The following GCNT2 variants were observed in gnomAD, a reference collection of about 807,000 sequenced individuals.
GCNT2 encodes N-acetyllactosaminide beta-1,6-N-acetylglucosaminyl-transferase.
A neutral mutation model predicts 34.2 loss-of-function variants in GCNT2; 34 were observed. That is an observed-to-expected ratio of 1.00 (90% confidence interval 0.76 to 1.32). The LOEUF (loss-of-function observed/expected upper bound fraction) is 1.32, where lower values mean the gene tolerates loss of function less well. Ranked by LOEUF, GCNT2 falls within the 40% of genes most tolerant of loss-of-function variation. GCNT2 has a pLI of 0.00. For missense variants in GCNT2, 584 were observed against 489.4 expected, an observed-to-expected ratio of 1.19 and a Z score of -1.82; for synonymous variants, 212 against 188.0, an observed-to-expected ratio of 1.13 and a Z score of -1.04.
intron 3 of GCNT2, chr6:10,557,442 T>TG (rs937356814): frequency 2.2e-6 from 2 of 924,738 alleles, no homozygotes; most frequent in Admixed American, 3.5e-5. Context: ...AGATGAAAAC[T>TG]GGAACATATA....
chr6:10,559,658 C>T (rs568695741), intron 3 of GCNT2, among the ~76,000 whole-genome samples: 1 of 152,258 alleles, frequency 6.6e-6, no homozygotes. Flanking sequence ...CTTTGGCAAG[C>T]GCATCCCATT....
Position 10,608,710 on chromosome 6 carries a change from A to G in GCNT2, c.926-12641A>G, listed in dbSNP as rs184623919. Among the ~76,000 whole-genome samples, 232 of 152,304 alleles carry G rather than the reference A, an allele frequency of 1.5e-3. 1 individual carries two copies. The highest frequency in any genetic ancestry group is 6.8e-3 in the Middle Eastern group (2 of 294). On this transcript the variant is annotated intron_variant, in intron 3 of 4. Transcript: ENST00000495262. ...AAAGAGAGGCTACCTTAGGGTTTTAACTTTAGTAACTTAGTTCCTAACAAG... is the reference window on the plus strand; with the variant it reads ...AAAGAGAGGCTACCTTAGGGTTTTAGCTTTAGTAACTTAGTTCCTAACAAG...
At chr6:10,555,906 C>A in intron 3 of GCNT2, 2 of 1,002,078 alleles carry the variant, frequency 2.0e-6, no homozygotes, top group South Asian at 4.3e-5. Context: ...GGCTGTGGAT[C>A]CTTGCCACGA....
intron 3 of GCNT2, among the ~76,000 whole-genome samples, chr6:10,535,781 A>C (rs1016666585): frequency 6.6e-6 from 1 of 152,138 alleles, no homozygotes; most frequent in African/African-American, 2.4e-5. Context: ...GGGAGGAAGG[A>C]GTGCCAAGGT....
chr6:10,575,928 C>T (rs1481385708), intron 3 of GCNT2, among the ~76,000 whole-genome samples: 1 of 147,960 alleles, frequency 6.8e-6, no homozygotes, highest in African/African-American at 2.5e-5. Flanking sequence ...TCTTATAAAA[C>T]GGCCCCACCC....
At chr6:10,581,975 C>T (rs985826654) in intron 3 of GCNT2, 27 of 328,466 alleles carry the variant, frequency 8.2e-5, no homozygotes, top group African/African-American at 1.8e-4. Context: ...TATATATATA[C>T]ACACACTTAT....
intron 3 of GCNT2, among the ~76,000 whole-genome samples, chr6:10,576,811 A>G (rs571314394): frequency 6.6e-6 from 1 of 152,280 alleles, no homozygotes; most frequent in South Asian, 2.1e-4. Flanking sequence ...CAGTGGCTCA[A>G]GCCTGTAATC....
intron 3 of GCNT2, chr6:10,556,655 C>T: frequency 6.2e-7 from 1 of 1,614,088 alleles, no homozygotes; most frequent in Non-Finnish European, 8.5e-7. Flanking sequence ...ATACTTGACC[C>T]AGAGCCACTA....
chr6:10,564,490 G>A (rs1311568080), intron 3 of GCNT2, among the ~76,000 whole-genome samples: 2 of 152,166 alleles, frequency 1.3e-5, no homozygotes, highest in Non-Finnish European at 2.9e-5. Context: ...CAGAGTCAGA[G>A]AGAACCAGGT....
intron 3 of GCNT2, chr6:10,556,138 TGCAAACGGGGAG>T (rs1762689819): frequency 7.6e-7 from 1 of 1,314,588 alleles, no homozygotes; most frequent in South Asian, 1.7e-5. Flanking sequence ...AGCTAGCAGA[TGCAAACGGGGAG>T]GCAGAGGGAG....
rs980680532 is a variant in GCNT2 at position 10,529,159 on chromosome 6, A to G, written c.248A>G (p.Tyr83Cys). 1.9e-6 allele frequency: 3 copies of G among 1,614,142 alleles called. No homozygotes were observed. Among genetic ancestry groups the G allele is most frequent in the Non-Finnish European group, 1.7e-6 (2 of 1,180,002 alleles). The change falls in exon 3 of 5, where the codon TAT (tyrosine) becomes TGT (cysteine). Residue 83 changes from tyrosine to cysteine, a missense_variant. Physicochemically the swap from Tyr to Cys is radical, Grantham distance 194. Coordinates refer to ENST00000495262, the MANE Select transcript of GCNT2 (RefSeq NM_145649.5). ...TATGAGTACATGGTTCGAAGCCACT[A>G]TGTAACAGAAACACTCTCTGAAGAA... Reference protein sequence around the residue: ...TCYEYMVRSHYVTETLSEEEA... With the variant: ...TCYEYMVRSHCVTETLSEEEA...
intron 3 of GCNT2, among the ~76,000 whole-genome samples, chr6:10,603,538 CAG>C (rs1220901711): frequency 3.9e-5 from 6 of 152,090 alleles, no homozygotes; most frequent in African/African-American, 7.2e-5. Context: ...TTTTTTGAGA[CAG>C]AGTCTCTCTC....
intron 3 of GCNT2, among the ~76,000 whole-genome samples, chr6:10,545,626 G>T (rs1762235267): frequency 6.6e-6 from 1 of 152,140 alleles, no homozygotes; most frequent in African/African-American, 2.4e-5. Context: ...TTCATGAAGG[G>T]TAAATCAGTC....
rs527705073 is a variant in GCNT2, at chr6:10,623,292, A to G, written c.1018+1849A>G. ...ACAGTGCATGCCACCTGCCTACATT[A>G]TTTTTTTTTTTTTTTGAGATGGAGT... On this transcript the variant is annotated intron_variant, in intron 4 of 4. Coordinates refer to ENST00000495262, the MANE Select transcript of GCNT2 (RefSeq NM_145649.5). 1.2e-4 allele frequency among the ~76,000 whole-genome samples: 17 copies of G among 139,598 alleles called. 1 individual carries two copies. In the East Asian group the frequency reaches 2.9e-3, roughly 24 times the overall value. The allele number at this position is 139,598 out of a possible 152,430, so 91.6% of individuals were successfully genotyped here. A position where few individuals can be genotyped will look rare whatever the true frequency, so the allele number is the denominator to read the frequency against.
chr6:10,563,640 G>T (rs917004183), intron 3 of GCNT2, among the ~76,000 whole-genome samples: 3 of 151,480 alleles, frequency 2.0e-5, no homozygotes, highest in Non-Finnish European at 4.4e-5. Context: ...TACTTGGGAG[G>T]CTGAGGCAGG....
chr6:10,596,804 A>T (rs780787110), intron 3 of GCNT2, among the ~76,000 whole-genome samples: 1 of 120,306 alleles, frequency 8.3e-6, no homozygotes. Flanking sequence ...TTTTGCCTTC[A>T]GCCAAATCTG....
At chr6:10,588,998 GGT>G (rs1305862829) in intron 3 of GCNT2, among the ~76,000 whole-genome samples, 60 of 136,980 alleles carry the variant, frequency 4.4e-4, no homozygotes, top group South Asian at 2.0e-3. Context: ...GTGTGGTGTG[GGT>G]GTGTGTGTGG....
intron 3 of GCNT2, among the ~76,000 whole-genome samples, chr6:10,538,520 T>G (rs758916220): frequency 2.0e-5 from 3 of 148,578 alleles, no homozygotes; most frequent in Admixed American, 2.0e-4. Flanking sequence ...CATGACACCT[T>G]AAATATAAAC....
intron 3 of GCNT2, among the ~76,000 whole-genome samples, chr6:10,566,377 A>G (rs1349416795): frequency 1.3e-5 from 2 of 152,256 alleles, no homozygotes; most frequent in East Asian, 3.9e-4. Context: ...GGCTCACTGA[A>G]GCCTTGACCT....
Sources: gnomAD v4.1 joint callset for allele counts (sites outside exome capture counted in the v4.1 genomes callset) on GRCh38, gnomAD v4.1.1 for gene constraint, MANE v1.5 for transcripts, NCBI Gene and HGNC (gene_info 2026-07-23, HGNC 2026-07-21) for gene names.